SEMA3A: variants seen among roughly 807,000 people sequenced by gnomAD.
The protein encoded by SEMA3A is semaphorin-3A.
A neutral mutation model predicts 97.9 loss-of-function variants in SEMA3A; 29 were observed. The observed-to-expected ratio is 0.30, with a 90% CI of 0.22 to 0.40. The LOEUF is 0.40. SEMA3A is among the 10% of genes least tolerant of loss of function. SEMA3A has a pLI of 1.00. For synonymous variants in SEMA3A, 321 were observed against 323.7 expected (o/e 0.99, Z 0.09); for missense variants, 763 against 951.3 (o/e 0.80, Z 2.60).
At chr7:84,290,683 C>T (rs542261913) in intron 3 of SEMA3A, among the ~76,000 whole-genome samples, 1 of 152,194 alleles carries the variant, frequency 6.6e-6, no homozygotes, top group East Asian at 1.9e-4. Flanking sequence ...GAAATCTGAA[C>T]ATACTTTTAT....
intron 3 of SEMA3A, among the ~76,000 whole-genome samples, chr7:84,224,910 T>C (rs1044908877): frequency 1.3e-5 from 2 of 152,036 alleles, no homozygotes; most frequent in African/African-American, 4.8e-5. Flanking sequence ...TGCATATTAT[T>C]AGGTCCAACT....
At chr7:84,324,691 A>T (rs1158099023) in intron 2 of SEMA3A, among the ~76,000 whole-genome samples, 1 of 152,170 alleles carries the variant, frequency 6.6e-6, no homozygotes, top group Non-Finnish European at 1.5e-5. Context: ...AAGAGACTTC[A>T]ATTTATTATG....
At chr7:84,355,626 C>A (rs1262179063) in intron 2 of SEMA3A, among the ~76,000 whole-genome samples, 1 of 151,814 alleles carries the variant, frequency 6.6e-6, no homozygotes, top group African/African-American at 2.4e-5. Flanking sequence ...ATCAACTCAA[C>A]AACTAACTTC....
At chr7:84,299,780 A>G (rs1245144159) in intron 3 of SEMA3A, among the ~76,000 whole-genome samples, 1 of 149,838 alleles carries the variant, frequency 6.7e-6, no homozygotes, top group African/African-American at 2.5e-5. Context: ...ATTAAAAACA[A>G]ACAAGCAAAC....
chr7:84,482,751 T>C (rs1806478798), intron 1 of SEMA3A, among the ~76,000 whole-genome samples: 2 of 152,176 alleles, frequency 1.3e-5, no homozygotes. Flanking sequence ...CTCTTCCCAC[T>C]GTTAAAGATG....
At chr7:84,115,191 C>T (rs1243202107) in intron 3 of SEMA3A, among the ~76,000 whole-genome samples, 2 of 152,010 alleles carry the variant, frequency 1.3e-5, no homozygotes, top group African/African-American at 2.4e-5. Context: ...AATAATTGAA[C>T]TATATCACCA....
rs1227364608 is a variant in SEMA3A at position 84,235,140 on chromosome 7, A to G, written c.-82-40472T>C. 5.9e-5 allele frequency among the ~76,000 whole-genome samples: 9 copies of G among 152,236 alleles called. No individual in the cohort carries two copies. In the East Asian group the frequency reaches 1.7e-3, roughly 29 times the overall value. ...ATTAGCAAATTATCCAAAGACAAAT[A>G]TCAGATATGTGTACAAATATGTATT... On this transcript the variant is annotated intron_variant, in intron 3 of 3. Coordinates refer to the SEMA3A transcript ENST00000424555.
intron 3 of SEMA3A, among the ~76,000 whole-genome samples, chr7:84,287,151 C>G (rs948369210): frequency 5.3e-5 from 8 of 151,794 alleles, no homozygotes; most frequent in African/African-American, 1.9e-4. Flanking sequence ...TTTTTCATTC[C>G]AAATCATCCA....
At chr7:84,079,796 G>A (rs531231474) in intron 4 of SEMA3A, among the ~76,000 whole-genome samples, 1 of 126,882 alleles carries the variant, frequency 7.9e-6, no homozygotes, top group Non-Finnish European at 1.6e-5. Flanking sequence ...TCAGTGTGGC[G>A]ATTCCTCAGG....
chr7:84,398,798 A>G (rs2116201593), intron 1 of SEMA3A, among the ~76,000 whole-genome samples: 1 of 152,016 alleles, frequency 6.6e-6, no homozygotes, highest in South Asian at 2.1e-4. Flanking sequence ...ACAGAGTGAG[A>G]CTGTTTCTTA....
chr7:83,987,401 T>C (rs1200466692), intron 12 of SEMA3A, among the ~76,000 whole-genome samples: 1 of 152,192 alleles, frequency 6.6e-6, no homozygotes, highest in Non-Finnish European at 1.5e-5. Context: ...TTGGATGCTC[T>C]CAGGGGGTTC....
chr7:84,423,375 G>T (rs1363382230), intron 1 of SEMA3A, among the ~76,000 whole-genome samples: 1 of 151,844 alleles, frequency 6.6e-6, no homozygotes, highest in Non-Finnish European at 1.5e-5. Context: ...AAAAATACTG[G>T]GCATATTTCT....
chr7:84,197,533 G>T (rs1240237652), upstream of SEMA3A, among the ~76,000 whole-genome samples: 1 of 151,946 alleles, frequency 6.6e-6, no homozygotes, highest in Non-Finnish European at 1.5e-5. Flanking sequence ...ATTCGACTTT[G>T]CTCAGAGTTG....
At chr7:84,230,167 C>T (rs746088458) in intron 3 of SEMA3A, among the ~76,000 whole-genome samples, 2 of 151,952 alleles carry the variant, frequency 1.3e-5, no homozygotes, top group Non-Finnish European at 2.9e-5. Flanking sequence ...ACTCTTACTT[C>T]ACAGATCTAT....
chr7:84,405,337 A>G (rs1472025210), intron 1 of SEMA3A, among the ~76,000 whole-genome samples: 1 of 152,246 alleles, frequency 6.6e-6, no homozygotes, highest in Non-Finnish European at 1.5e-5. Context: ...TTCAACAAGA[A>G]GAACTAACTA....
chr7:84,067,896 C>CATTT (rs1793586520), intron 4 of SEMA3A, among the ~76,000 whole-genome samples: 1 of 148,220 alleles, frequency 6.7e-6, no homozygotes, highest in Non-Finnish European at 1.5e-5. Context: ...CTGGAAATAC[C>CATTT]ATTTGACCCA....
intron 1 of SEMA3A, among the ~76,000 whole-genome samples, chr7:84,169,023 G>A (rs942616684): frequency 2.2e-4 from 34 of 151,836 alleles, no homozygotes; most frequent in African/African-American, 5.8e-4. Context: ...TTGATCCTGA[G>A]TTGAGGTCAG....
intron 4 of SEMA3A, among the ~76,000 whole-genome samples, chr7:84,107,394 C>T (rs1490148280): frequency 6.6e-6 from 1 of 152,178 alleles, no homozygotes; most frequent in East Asian, 1.9e-4. Context: ...GATTGACTGT[C>T]TAGACTGCTT....
At chr7:84,243,551 G>T (rs990851510) in intron 3 of SEMA3A, among the ~76,000 whole-genome samples, 2 of 151,768 alleles carry the variant, frequency 1.3e-5, no homozygotes, top group African/African-American at 4.8e-5. Flanking sequence ...TTCTTTATTA[G>T]TTTGCCTAGT....
Sources: allele counts gnomAD v4.1 joint callset (sites outside exome capture counted in the v4.1 genomes callset), GRCh38; gene constraint gnomAD v4.1.1; transcripts MANE v1.5; gene names NCBI Gene and HGNC (gene_info 2026-07-23, HGNC 2026-07-21).